The following EBF2 variants were observed in gnomAD, a reference collection of about 807,000 sequenced individuals.
The protein encoded by EBF2 is transcription factor COE2.
EBF2 carries 21 observed loss-of-function variants against 72.8 expected under a neutral mutation model. The observed-to-expected ratio is 0.29, with a 90% CI of 0.20 to 0.42. The LOEUF is 0.42. Ranked by LOEUF, EBF2 falls within the 10% of genes least tolerant of loss-of-function variation. The probability of loss-of-function intolerance (pLI) is 1.00; values close to 1 mark genes in which losing one functional copy is unlikely to be tolerated. For synonymous variants in EBF2, 299 were observed against 274.2 expected (o/e 1.09, Z -0.89); for missense variants, 637 against 731.2 (o/e 0.87, Z 1.49).
intron 15 of EBF2, 61 bp from the exon 16 acceptor site, chr8:25,844,701 C>T (rs1585253199): frequency 1.3e-6 from 2 of 1,598,248 alleles, no homozygotes; most frequent in Non-Finnish European, 1.7e-6. Context: ...AAGGCTATGA[C>T]ACAGAATGAG....
intron 6 of EBF2, among the ~76,000 whole-genome samples, chr8:25,995,735 C>T (rs1804614676): frequency 6.6e-6 from 1 of 151,856 alleles, no homozygotes; most frequent in African/African-American, 2.4e-5. Context: ...CAAAATTAAG[C>T]AGAGGTCACA....
In EBF2 at chr8:25,843,965, A is replaced by T. The variant is rs1801781486; in HGVS notation, c.*644T>A. ...AAGAGAAATCCCTCTCTCTTCCAAA[A>T]AAAGGTCTTAATTTCTACCTCTACT... On this transcript the variant is annotated 3_prime_UTR_variant, in exon 16 of 16. Transcript: ENST00000520164. 6.6e-6 allele frequency: 1 copy of T among 152,234 alleles called. No homozygotes were observed. Among genetic ancestry groups the T allele is most frequent in the African/African-American group, 2.4e-5 (1 of 41,432 alleles). 9.4% of individuals were successfully genotyped at this position (152,234 alleles called of 1,614,324 possible). A position where few individuals can be genotyped will look rare whatever the true frequency, so the allele number is the denominator to read the frequency against.
chr8:25,867,671 G>A (rs907709046), intron 10 of EBF2, among the ~76,000 whole-genome samples: 13 of 152,230 alleles, frequency 8.5e-5, no homozygotes, highest in East Asian at 3.9e-4. Context: ...CATGCTAATC[G>A]TCATAAATCT....
chr8:25,860,944 GAC>G, intron 13 of EBF2, 103 bp downstream of exon 13: 1 of 1,233,910 alleles, frequency 8.1e-7, no homozygotes, highest in Non-Finnish European at 1.2e-6. Context: ...CCTATCTGTG[GAC>G]ACACTCTGTT....
rs535090715 is a variant in EBF2, at chr8:25,948,262, C to T, written c.552-39707G>A. Among the ~76,000 whole-genome samples, 15 of 152,288 alleles carry T rather than the reference C, an allele frequency of 9.8e-5. No individual in the cohort carries two copies. The South Asian group carries it at 1.9e-3, about 19-fold the overall frequency. ...TTCCTGCCGCATACCTCCACCCCAG[C>T]GCAAGGGCTCTGTGGATGAATGAAA... On this transcript the variant is annotated intron_variant, in intron 6 of 15. Coordinates refer to ENST00000520164, the MANE Select transcript of EBF2 (RefSeq NM_022659.4).
rs751237736 is a variant in EBF2, at chr8:25,888,590, G to A, written c.752-618C>T. Reference sequence around the variant, plus strand: ...AATGGGCCAGAGAGAGAGAGGGGGAGAAAGCAAAATCTATCATAGTTGAAG... The same window carrying A: ...AATGGGCCAGAGAGAGAGAGGGGGAAAAAGCAAAATCTATCATAGTTGAAG... On this transcript the variant is annotated intron_variant, in intron 8 of 15. Transcript: ENST00000520164. Among the ~76,000 whole-genome samples the A allele has an allele frequency of 1.7e-4, 26 of 152,334 alleles. 1 individual carries two copies. Among genetic ancestry groups the A allele is most frequent in the South Asian group, 8.3e-4 (4 of 4,828 alleles).
chr8:26,038,060 G>A (rs1272461672), intron 5 of EBF2, among the ~76,000 whole-genome samples: 1 of 152,178 alleles, frequency 6.6e-6, no homozygotes, highest in Non-Finnish European at 1.5e-5. Context: ...TAAAATGTAA[G>A]AGAAGGAACT....
chr8:25,847,908 A>G (rs1434495200), intron 15 of EBF2, among the ~76,000 whole-genome samples: 3 of 152,178 alleles, frequency 2.0e-5, no homozygotes, highest in South Asian at 4.1e-4. Context: ...GAGAGACTAC[A>G]TATGGGGTAC....
At chr8:26,010,739 G>A (rs1804965332) in intron 6 of EBF2, among the ~76,000 whole-genome samples, 1 of 152,196 alleles carries the variant, frequency 6.6e-6, no homozygotes, top group Non-Finnish European at 1.5e-5. Flanking sequence ...ATCTTGGAAT[G>A]CCTTCTTCCC....
intron 6 of EBF2, among the ~76,000 whole-genome samples, chr8:25,922,977 G>A (rs893306418): frequency 4.0e-5 from 6 of 151,164 alleles, no homozygotes; most frequent in Non-Finnish European, 5.9e-5. Flanking sequence ...AAATTCATCC[G>A]TTGGAGAATC....
intron 6 of EBF2, among the ~76,000 whole-genome samples, chr8:25,923,494 A>G (rs527430690): frequency 6.6e-6 from 1 of 152,354 alleles, no homozygotes; most frequent in South Asian, 2.1e-4. Flanking sequence ...ACAACCAGGC[A>G]ATGATTCTAT....
intron 6 of EBF2, among the ~76,000 whole-genome samples, chr8:26,009,443 A>G (rs2117231985): frequency 6.6e-6 from 1 of 152,358 alleles, no homozygotes; most frequent in Middle Eastern, 3.4e-3. Context: ...GAAAGCAAGC[A>G]TGTGCTTAGT....
intron 6 of EBF2, among the ~76,000 whole-genome samples, chr8:25,932,585 G>T (rs1454662349): frequency 6.6e-6 from 1 of 152,168 alleles, no homozygotes; most frequent in Non-Finnish European, 1.5e-5. Context: ...GCCAGCACAT[G>T]CAAAGGTTAA....
chr8:26,015,685 G>A (rs1274990495), intron 6 of EBF2, among the ~76,000 whole-genome samples: 1 of 152,176 alleles, frequency 6.6e-6, no homozygotes. Flanking sequence ...CATACACAAA[G>A]GAGATTTTCT....
At chr8:25,956,213 G>T (rs922768345) in intron 6 of EBF2, among the ~76,000 whole-genome samples, 3 of 152,078 alleles carry the variant, frequency 2.0e-5, no homozygotes, top group African/African-American at 7.2e-5. Flanking sequence ...GAGGTCGGGA[G>T]TTCGAGACCA....
chr8:25,852,334 C>CAACT (rs148348852), intron 14 of EBF2, among the ~76,000 whole-genome samples: 17,570 of 151,998 alleles, frequency 0.12, 1,098 homozygotes, highest in Middle Eastern at 0.17. Flanking sequence ...AAAAAATCCC[C>CAACT]AACTTTTCAT....
At chr8:25,911,982 T>C (rs1399349622) in intron 6 of EBF2, among the ~76,000 whole-genome samples, 1 of 152,164 alleles carries the variant, frequency 6.6e-6, no homozygotes, top group East Asian at 1.9e-4. Flanking sequence ...TCTCTCTGCT[T>C]CTGAGGCAGG....
At chr8:25,859,904 A>C (rs1418809828) in intron 13 of EBF2, among the ~76,000 whole-genome samples, 1 of 151,996 alleles carries the variant, frequency 6.6e-6, no homozygotes, top group Non-Finnish European at 1.5e-5. Context: ...TTTTGTAGAC[A>C]CAGGGTTTCA....
At chr8:25,880,520 C>A (rs1802589337) in intron 10 of EBF2, among the ~76,000 whole-genome samples, 1 of 152,184 alleles carries the variant, frequency 6.6e-6, no homozygotes, top group Non-Finnish European at 1.5e-5. Flanking sequence ...TGGCTTCCCT[C>A]ACCTACTAAT....
Sources: allele counts gnomAD v4.1 joint callset (sites outside exome capture counted in the v4.1 genomes callset), GRCh38; gene constraint gnomAD v4.1.1; transcripts MANE v1.5; gene names NCBI Gene and HGNC (gene_info 2026-07-23, HGNC 2026-07-21).